Variants in RNF150 observed in about 807,000 individuals in gnomAD.
The protein encoded by RNF150 is ring finger protein 150.
RNF150 carries 24 observed loss-of-function variants against 39.3 expected under a neutral mutation model. The ratio of observed to expected loss-of-function variants is 0.61; its 90% CI spans 0.44 to 0.86. The LOEUF (loss-of-function observed/expected upper bound fraction) is 0.86. RNF150 is among the 40% of genes least tolerant of loss of function. The pLI, the probability that RNF150 is intolerant of heterozygous loss-of-function variation, is 0.00. For synonymous variants in RNF150, 255 were observed against 227.3 expected (o/e 1.12, Z -1.10); for missense variants, 502 against 587.8 (o/e 0.85, Z 1.51).
At chr4:140,917,029 G>C (rs1017166885) in intron 5 of RNF150, among the ~76,000 whole-genome samples, 6 of 152,112 alleles carry the variant, frequency 3.9e-5, no homozygotes, top group African/African-American at 1.4e-4. Context: ...CCCTAAAAGA[G>C]CTCCTGAAGG....
At position 141,026,948 on chromosome 4, in the gene RNF150, C is replaced by T. The variant is rs139817851; in HGVS notation, c.485-59075G>A. 2.2e-3 allele frequency among the ~76,000 whole-genome samples: 338 copies of T among 152,276 alleles called. 3 individuals carry two copies. The highest frequency in any genetic ancestry group is 7.9e-3 in the African/African-American group (330 of 41,558). The stretch of plus-strand genomic sequence containing the variant: ...GCAGGGGGAGTGAGGAGTAATGCCT[C>T]TTGGCTTCAGATGTGGCCACATGAA... On this transcript the variant is annotated intron_variant, in intron 1 of 6. Coordinates refer to ENST00000515673, the MANE Select transcript of RNF150 (RefSeq NM_020724.2).
chr4:141,059,559 AT>A (rs1044783744), intron 1 of RNF150, among the ~76,000 whole-genome samples: 1 of 151,496 alleles, frequency 6.6e-6, no homozygotes, highest in Non-Finnish European at 1.5e-5. Flanking sequence ...GCAATTCTCT[AT>A]TTTTTTTGCA....
rs546338320 is a variant in RNF150 at position 141,067,158 on chromosome 4, C to T, written c.484+65167G>A. Among the ~76,000 whole-genome samples, 4 of 152,272 alleles carry T rather than the reference C, an allele frequency of 2.6e-5. No homozygotes were observed. In the East Asian group the frequency reaches 5.8e-4, roughly 22 times the overall value. ...TGGCACAGGACTGTACTTGCAAATA[C>T]ATCAAGGCATGCCTAATTCAGTTTT... On this transcript the variant is annotated intron_variant, in intron 1 of 6. Coordinates refer to ENST00000515673, the MANE Select transcript of RNF150 (RefSeq NM_020724.2).
At chr4:140,983,450 G>T (rs942029734) in intron 1 of RNF150, among the ~76,000 whole-genome samples, 4 of 152,078 alleles carry the variant, frequency 2.6e-5, no homozygotes, top group African/African-American at 7.2e-5. Context: ...TACCCACAGA[G>T]GTAACTGCAT....
At chr4:141,149,612 C>A (rs1727263575) in intron 1 of RNF150, among the ~76,000 whole-genome samples, 1 of 152,188 alleles carries the variant, frequency 6.6e-6, no homozygotes. Context: ...TTTATATATA[C>A]CACCCTATCT....
intron 6 of RNF150, among the ~76,000 whole-genome samples, chr4:140,879,702 G>A (rs1729302433): frequency 6.6e-6 from 1 of 152,010 alleles, no homozygotes; most frequent in Non-Finnish European, 1.5e-5. Flanking sequence ...CATGTCTGTG[G>A]ACCCAGCTAT....
chr4:140,948,402 G>T (rs189264849), intron 3 of RNF150, among the ~76,000 whole-genome samples: 107 of 152,054 alleles, frequency 7.0e-4, no homozygotes, highest in African/African-American at 2.5e-3. Flanking sequence ...CCCTTACATT[G>T]CCCCAAGGAG....
intron 1 of RNF150, among the ~76,000 whole-genome samples, chr4:141,080,867 GA>G (rs1738123669): frequency 6.6e-6 from 1 of 152,198 alleles, no homozygotes; most frequent in African/African-American, 2.4e-5. Flanking sequence ...AAATCAGTAG[GA>G]ATTCCAGAAG....
intron 4 of RNF150, among the ~76,000 whole-genome samples, chr4:140,945,297 T>C (rs1024083551): frequency 7.0e-6 from 1 of 141,968 alleles, no homozygotes; most frequent in African/African-American, 2.9e-5. Flanking sequence ...TAAAATGCTA[T>C]TTTTTTGTTA....
chr4:140,964,142 G>A (rs10519573), intron 2 of RNF150, among the ~76,000 whole-genome samples: 68,380 of 151,842 alleles, frequency 0.45, 16,389 homozygotes, highest in East Asian at 0.72. Context: ...CTGACTGTAA[G>A]CATTATTAAT....
chr4:141,103,308 A>C (rs1739080618), intron 1 of RNF150, among the ~76,000 whole-genome samples: 1 of 152,228 alleles, frequency 6.6e-6, no homozygotes, highest in South Asian at 2.1e-4. Flanking sequence ...CCGAGTTGTG[A>C]AGACTCTCCT....
At chr4:140,990,122 C>T (rs973452323) in intron 1 of RNF150, among the ~76,000 whole-genome samples, 1 of 152,202 alleles carries the variant, frequency 6.6e-6, no homozygotes, top group Non-Finnish European at 1.5e-5. Flanking sequence ...CTGGCTTACA[C>T]ATGCCCACAG....
intron 1 of RNF150, among the ~76,000 whole-genome samples, chr4:141,084,100 CA>C (rs376424755): frequency 2.0e-5 from 3 of 152,150 alleles, no homozygotes; most frequent in African/African-American, 7.2e-5. Context: ...TTCCTAGGCA[CA>C]AACCAGAAAT....
At chr4:141,085,061 G>A (rs377301770) in intron 1 of RNF150, among the ~76,000 whole-genome samples, 18 of 152,138 alleles carry the variant, frequency 1.2e-4, no homozygotes, top group African/African-American at 2.2e-4. Flanking sequence ...AGAAATACCC[G>A]AGACTGGGTA....
At chr4:141,159,054 C>T (rs1727467863) in intron 1 of RNF150, among the ~76,000 whole-genome samples, 1 of 152,122 alleles carries the variant, frequency 6.6e-6, no homozygotes. Context: ...TAAACTACAG[C>T]CCCTATTTGG....
rs1728432244 is a variant in RNF150, at chr4:140,860,215, TG to T, written c.*8045del. On this transcript the variant is annotated 3_prime_UTR_variant, in exon 7 of 7. Coordinates refer to ENST00000515673, the MANE Select transcript of RNF150 (RefSeq NM_020724.2). ...AAAGGAGTAGGGTAGGTGCCTGAGG[TG>T]GGGAAGAAGGAAAGAAATTTATACA... is the stretch of plus-strand genomic sequence containing the variant. The T allele has an allele frequency of 6.7e-6, 1 of 149,488 alleles. No homozygotes were observed. The highest frequency in any genetic ancestry group is 1.5e-5 in the Non-Finnish European group (1 of 67,478). The allele number at this position is 149,488 out of a possible 1,614,324, so 9.3% of individuals were successfully genotyped here.
chr4:141,198,190 T>C (rs1728236106), intron 1 of RNF150, among the ~76,000 whole-genome samples: 1 of 151,662 alleles, frequency 6.6e-6, no homozygotes, highest in Non-Finnish European at 1.5e-5. Context: ...TAATCCAAGA[T>C]AATTTTTTGT....
intron 6 of RNF150, among the ~76,000 whole-genome samples, chr4:140,910,703 CA>C (rs371194995): frequency 0.55 from 82,740 of 151,340 alleles, 23,460 homozygotes; most frequent in Non-Finnish European, 0.63. Flanking sequence ...CTCGGGGCTC[CA>C]GTGTGTGTGT....
intron 1 of RNF150, among the ~76,000 whole-genome samples, chr4:141,147,068 C>A (rs1230523251): frequency 6.6e-6 from 1 of 152,196 alleles, no homozygotes; most frequent in Non-Finnish European, 1.5e-5. Flanking sequence ...GCTCCTCCCA[C>A]CTCAGCATCC....
Sources: gnomAD v4.1 joint callset for allele counts (sites outside exome capture counted in the v4.1 genomes callset) on GRCh38, gnomAD v4.1.1 for gene constraint, MANE v1.5 for transcripts, NCBI Gene and HGNC (gene_info 2026-07-23, HGNC 2026-07-21) for gene names.